PCGF5: variants seen among roughly 807,000 people sequenced by gnomAD.
The protein encoded by PCGF5 is polycomb group RING finger protein 5.
A neutral mutation model predicts 44.3 loss-of-function variants in PCGF5; 9 were observed. The ratio of observed to expected loss-of-function variants is 0.20; its 90% CI spans 0.12 to 0.35. The LOEUF (loss-of-function observed/expected upper bound fraction) is 0.35, where lower values mean the gene tolerates loss of function less well. Ranked by LOEUF, PCGF5 falls within the 10% of genes least tolerant of loss-of-function variation. The pLI, the probability that PCGF5 is intolerant of heterozygous loss-of-function variation, is 1.00. For synonymous variants in PCGF5, 95 were observed against 102.5 expected, an observed-to-expected ratio of 0.93 and a Z score of 0.44; for missense variants, 146 against 305.3, an observed-to-expected ratio of 0.48 and a Z score of 3.89.
intron 6 of PCGF5, among the ~76,000 whole-genome samples, chr10:91,258,081 G>A (rs553611995): frequency 7.2e-5 from 11 of 152,164 alleles, no homozygotes; most frequent in Admixed American, 1.3e-4. Flanking sequence ...CCATTTATAC[G>A]AAATATCCAG....
chr10:91,264,370 T>G lies in PCGF5; in HGVS notation c.574-61T>G, dbSNP rs552272884. 5.8e-6 allele frequency: 8 copies of G among 1,369,256 alleles called. No individual in the cohort carries two copies. In the South Asian group the frequency reaches 1.1e-4, roughly 18 times the overall value. The allele number at this position is 1,369,256 out of a possible 1,614,324, so 84.8% of individuals were successfully genotyped here. A position where few individuals can be genotyped will look rare whatever the true frequency, so the allele number is the denominator to read the frequency against. ...GAATATTTTTTGAAATTTCAAAAAA[T>G]ATGCAAAATACTTTTGAATTCAACA... On this transcript the variant is annotated intron_variant, in intron 7 of 9. Coordinates refer to ENST00000336126, the MANE Select transcript of PCGF5 (RefSeq NM_032373.5).
intron 8 of PCGF5, among the ~76,000 whole-genome samples, chr10:91,269,912 G>C (rs1846138373): frequency 6.6e-6 from 1 of 152,040 alleles, no homozygotes; most frequent in Admixed American, 6.6e-5. Flanking sequence ...ATGTGTTACA[G>C]CTATTTTCTT....
chr10:91,236,544 C>T (rs551120292), intron 2 of PCGF5, among the ~76,000 whole-genome samples: 40 of 152,258 alleles, frequency 2.6e-4, no homozygotes, highest in Middle Eastern at 3.4e-3. Context: ...TAGACTAGGA[C>T]CTTTTTAACA....
chr10:91,173,370 C>T (rs1843645769), intron 1 of PCGF5, among the ~76,000 whole-genome samples: 1 of 152,022 alleles, frequency 6.6e-6, no homozygotes, highest in Non-Finnish European at 1.5e-5. Flanking sequence ...GAAATTTCTG[C>T]CTTTTTATTT....
At chr10:91,191,630 GGT>G (rs562946151) in intron 1 of PCGF5, among the ~76,000 whole-genome samples, 106 of 152,222 alleles carry the variant, frequency 7.0e-4, no homozygotes, top group African/African-American at 2.4e-3. Context: ...TTGGTTTCTT[GGT>G]GTGTGTTATC....
intron 6 of PCGF5, among the ~76,000 whole-genome samples, chr10:91,252,071 C>A (rs1434786939): frequency 6.6e-6 from 1 of 151,862 alleles, no homozygotes; most frequent in Non-Finnish European, 1.5e-5. Context: ...TATAGATTTT[C>A]TTTGGTCTTT....
rs942453648 is a variant in PCGF5 at position 91,281,194 on chromosome 10, G to A, written c.*2878G>A. ...GAAAAAATAAACTAAAATGCTCATT[G>A]ATGAGGTAATACTCAGTCTGGAGTA... On this transcript the variant is annotated 3_prime_UTR_variant, in exon 10 of 10. Coordinates refer to ENST00000336126, the MANE Select transcript of PCGF5 (RefSeq NM_032373.5). The A allele has an allele frequency of 3.9e-5, 6 of 152,414 alleles. No individual in the cohort carries two copies. The highest frequency in any genetic ancestry group is 2.0e-4 in the Admixed American group (3 of 15,276). 9.4% of individuals were successfully genotyped at this position (152,414 alleles called of 1,614,324 possible).
chr10:91,163,553 G>C (rs961872414), intron 1 of PCGF5, among the ~76,000 whole-genome samples: 1 of 151,984 alleles, frequency 6.6e-6, no homozygotes, highest in Non-Finnish European at 1.5e-5. Context: ...GTCGGCGCTC[G>C]GGCCCTTCCC....
At position 91,283,756 on chromosome 10, in the gene PCGF5, C is replaced by A. The variant is rs189395525; in HGVS notation, c.*5440C>A. 116 of 152,358 alleles carry A rather than the reference C, an allele frequency of 7.6e-4. No individual in the cohort carries two copies. Among genetic ancestry groups the A allele is most frequent in the Non-Finnish European group, 1.1e-3 (72 of 68,020 alleles). The allele number at this position is 152,358 out of a possible 1,614,324, so 9.4% of individuals were successfully genotyped here. Reference sequence around the variant, plus strand: ...TGCATCTGAGCAACACAACAGAGATCATCAGTTTTAAATAGAGTAGCCCTC... The same window carrying A: ...TGCATCTGAGCAACACAACAGAGATAATCAGTTTTAAATAGAGTAGCCCTC... On this transcript the variant is annotated 3_prime_UTR_variant, in exon 10 of 10. Coordinates refer to ENST00000336126, the MANE Select transcript of PCGF5 (RefSeq NM_032373.5).
In PCGF5 at chr10:91,282,799, T is replaced by C. The variant is rs1318858354; in HGVS notation, c.*4483T>C. 6.6e-6 allele frequency: 1 copy of C among 152,634 alleles called. No individual in the cohort carries two copies. The highest frequency in any genetic ancestry group is 2.4e-5 in the African/African-American group (1 of 41,434). 9.5% of individuals were successfully genotyped at this position (152,634 alleles called of 1,614,324 possible). A position where few individuals can be genotyped will look rare whatever the true frequency, so the allele number is the denominator to read the frequency against. On this transcript the variant is annotated 3_prime_UTR_variant, in exon 10 of 10. Transcript: ENST00000336126. ...TCCAGAAAGCTAAGCTTTATACTAA[T>C]AAGATATTGGTTGGTAGTAGGAACT... is the stretch of plus-strand genomic sequence containing the variant.
chr10:91,265,436 C>T (rs1846028466), intron 8 of PCGF5, among the ~76,000 whole-genome samples: 1 of 151,888 alleles, frequency 6.6e-6, no homozygotes, highest in South Asian at 2.1e-4. Flanking sequence ...ATCTTTTGGA[C>T]ATTAAGATTC....
intron 9 of PCGF5, among the ~76,000 whole-genome samples, chr10:91,274,514 G>A (rs1044983689): frequency 6.6e-6 from 1 of 152,140 alleles, no homozygotes; most frequent in Non-Finnish European, 1.5e-5. Flanking sequence ...ATTATGCATT[G>A]GGCAGTCTTC....
intron 5 of PCGF5, among the ~76,000 whole-genome samples, chr10:91,250,357 A>G (rs575690218): frequency 4.0e-5 from 6 of 151,842 alleles, no homozygotes; most frequent in African/African-American, 1.4e-4. Context: ...TAGCTGGCTG[A>G]TTTTTTCAAG....
chr10:91,242,973 G>A (rs545894119), intron 3 of PCGF5, among the ~76,000 whole-genome samples: 1 of 152,076 alleles, frequency 6.6e-6, no homozygotes, highest in South Asian at 2.1e-4. Context: ...TACCACAAAG[G>A]AATTTTTTTA....
chr10:91,191,227 A>T (rs1041360494), intron 1 of PCGF5, among the ~76,000 whole-genome samples: 4 of 152,254 alleles, frequency 2.6e-5, no homozygotes, highest in African/African-American at 7.2e-5. Flanking sequence ...ATATGCAAGC[A>T]TCACTACTCT....
chr10:91,252,219 A>C (rs963388732), intron 6 of PCGF5, among the ~76,000 whole-genome samples: 9 of 151,890 alleles, frequency 5.9e-5, no homozygotes, highest in Non-Finnish European at 1.2e-4. Flanking sequence ...AATATTGTTT[A>C]TCTCTCTGTA....
chr10:91,271,076 A>G (rs1846169254), intron 8 of PCGF5, among the ~76,000 whole-genome samples: 1 of 151,412 alleles, frequency 6.6e-6, no homozygotes, highest in African/African-American at 2.4e-5. Flanking sequence ...TAAGACCACA[A>G]ATGTGACTAA....
At chr10:91,248,825 T>C (rs928566120) in intron 5 of PCGF5, 101 bp downstream of exon 5, 8 of 995,378 alleles carry the variant, frequency 8.0e-6, no homozygotes, top group Non-Finnish European at 1.2e-5. Context: ...ACATTTTTCC[T>C]GCACAAAATT....
chr10:91,240,665 G>C lies in PCGF5; in HGVS notation c.209+85G>C, dbSNP rs1306729753. The C allele has an allele frequency of 1.3e-5, 11 of 832,292 alleles. No individual in the cohort carries two copies. In the South Asian group the frequency reaches 2.1e-4, roughly 16 times the overall value. 51.6% of individuals were successfully genotyped at this position (832,292 alleles called of 1,614,324 possible). A position where few individuals can be genotyped will look rare whatever the true frequency, so the allele number is the denominator to read the frequency against. On this transcript the variant is annotated intron_variant, in intron 3 of 9. Coordinates refer to ENST00000336126, the MANE Select transcript of PCGF5 (RefSeq NM_032373.5). The stretch of plus-strand genomic sequence containing the variant: ...TTTATTGTATGTCATAATATTTCAT[G>C]TTGTCTTGACTCAGTTAATATAGGA...
Sources: allele counts gnomAD v4.1 joint callset (sites outside exome capture counted in the v4.1 genomes callset), GRCh38; gene constraint gnomAD v4.1.1; transcripts MANE v1.5; gene names NCBI Gene and HGNC (gene_info 2026-07-23, HGNC 2026-07-21).